COL2A1: variants seen among roughly 807,000 people sequenced by gnomAD.
COL2A1 encodes the protein collagen type II alpha 1 chain, also known as collagen alpha-1(II) chain.
In COL2A1, 28 loss-of-function variants were observed where a neutral mutation model predicts 204.5. The ratio of observed to expected loss-of-function variants is 0.14; its 90% CI spans 0.10 to 0.19. The LOEUF (loss-of-function observed/expected upper bound fraction) is 0.19. Ranked by LOEUF, COL2A1 falls within the 10% of genes least tolerant of loss-of-function variation. The pLI is 1.00. For synonymous variants in COL2A1, 708 were observed against 718.7 expected (o/e 0.99, Z 0.24); for missense variants, 1,388 against 2,027.5 (o/e 0.68, Z 6.06).
Position 47,986,364 on chromosome 12 carries a change from A to C in COL2A1, c.1499T>G (p.Val500Gly). Residue 500 changes from valine to glycine, a missense_variant, in exon 23 of 54, where the codon GTT becomes GGT. This residue lies in a region of COL2A1 where 884 missense variants were observed against 1,415.8 expected (regional missense o/e 0.62). Transcript: ENST00000380518. ...TTCTCCAGGGGGACCGATGGGCCCA[A>C]CGCCACCAGGCTCTCCACGGGCACC... is the stretch of plus-strand genomic sequence containing the variant. The part of the protein sequence containing the change: ...KRGARGEPGG[V>G]GPIGPPGERG... 1 of 1,569,156 alleles carries C rather than the reference A, an allele frequency of 6.4e-7. No homozygotes were observed. Among genetic ancestry groups the C allele is most frequent in the Non-Finnish European group, 8.6e-7 (1 of 1,156,386 alleles).
chr12:47,994,578 C>G (rs1939861039), intron 11 of COL2A1, 101 bp from the exon 12 acceptor site: 1 of 1,244,890 alleles, frequency 8.0e-7, no homozygotes, highest in Admixed American at 1.9e-5. Flanking sequence ...CATGCCTTTG[C>G]CTACCGGCTC....
rs755168138 is a variant in COL2A1 at position 47,983,145 on chromosome 12, A to G, written c.2050-8T>C. ...AGCTTCACCGGGAACACCCTGGAGAACAAAGAAAGATGTGTGAGAGTGAAG... is the reference window on the plus strand; with the variant it reads ...AGCTTCACCGGGAACACCCTGGAGAGCAAAGAAAGATGTGTGAGAGTGAAG... On this transcript the variant is annotated splice_polypyrimidine_tract_variant and splice_region_variant and intron_variant, in intron 31 of 53. Transcript: ENST00000380518. 86 of 1,613,200 alleles carry G rather than the reference A, an allele frequency of 5.3e-5. 1 individual carries two copies. In the South Asian group the frequency reaches 9.1e-4, roughly 17 times the overall value.
Position 47,974,389 on chromosome 12 carries a change from G to A in COL2A1, c.4075-58C>T, listed in dbSNP as rs1471578715. 4 of 1,599,188 alleles carry A rather than the reference G, an allele frequency of 2.5e-6. No individual in the cohort carries two copies. The East Asian group carries it at 8.9e-5, about 36-fold the overall frequency. ...GGGAGCTGGCATTCAATGGGACCAG[G>A]GGCTGTAGGGGCTGCCAAGAGTTCA... On this transcript the variant is annotated intron_variant, in intron 52 of 53. Coordinates refer to ENST00000380518, the MANE Select transcript of COL2A1 (RefSeq NM_001844.5).
rs549266353 is a variant in COL2A1, at chr12:47,985,163, G to A, written c.1735-70C>T. 47 of 1,272,568 alleles carry A rather than the reference G, an allele frequency of 3.7e-5. No individual in the cohort carries two copies. In the African/African-American group the frequency reaches 6.0e-4, roughly 16 times the overall value. 78.8% of individuals were successfully genotyped at this position (1,272,568 alleles called of 1,614,324 possible). On this transcript the variant is annotated intron_variant, in intron 26 of 53. Transcript: ENST00000380518. ...CATCCATCCACCCAACATCCACTAA[G>A]GGCCTACATGGCAGGCCCAGGACTA...
At chr12:47,995,615 G>T (rs1005909307) in intron 10 of COL2A1, 95 bp downstream of exon 10, 3 of 1,265,590 alleles carry the variant, frequency 2.4e-6, no homozygotes, top group African/African-American at 2.9e-5. Flanking sequence ...GTGGGAAAGA[G>T]CTGGGCAGAG....
chr12:47,989,626 T>C, intron 17 of COL2A1, 135 bp downstream of exon 17: 1 of 821,092 alleles, frequency 1.2e-6, no homozygotes, highest in Non-Finnish European at 2.1e-6. Flanking sequence ...AAACTTCTTC[T>C]CTTTCCTCCC....
chr12:47,974,955 G>T, intron 51 of COL2A1, 93 bp from the exon 52 acceptor site: 1 of 1,316,080 alleles, frequency 7.6e-7, no homozygotes, highest in Non-Finnish European at 1.1e-6. Flanking sequence ...AGACAGAGAG[G>T]CCTACAGGGA....
At chr12:47,973,616 C>T (rs1830297851) in intron 53 of COL2A1, 63 bp from the exon 54 acceptor site, 3 of 1,595,972 alleles carry the variant, frequency 1.9e-6, no homozygotes, top group East Asian at 4.5e-5. Context: ...TTCCAGCTGC[C>T]CAGAAGCCCA....
chr12:47,985,691 G>T lies in COL2A1; in HGVS notation c.1680+37C>A, dbSNP rs41317927. On this transcript the variant is annotated intron_variant, in intron 25 of 53. Coordinates refer to ENST00000380518, the MANE Select transcript of COL2A1 (RefSeq NM_001844.5). ...GGAGCCAGCCAGGAAGGGCCTGAGG[G>T]TCTGAAGCCAAGGGCAACAGCAGCT... 54 of 1,610,864 alleles carry T rather than the reference G, an allele frequency of 3.4e-5. No individual in the cohort carries two copies. In the East Asian group the frequency reaches 1.1e-3, roughly 34 times the overall value.
intron 51 of COL2A1, 126 bp from the exon 52 acceptor site, chr12:47,974,988 G>A (rs932227532): frequency 4.2e-5 from 43 of 1,018,658 alleles, no homozygotes; most frequent in Non-Finnish European, 5.9e-5. Context: ...TTCACATGTG[G>A]CCTGAAAGGA....
intron 3 of COL2A1, 81 bp from the exon 4 acceptor site, chr12:47,998,282 G>T: frequency 1.3e-6 from 2 of 1,584,826 alleles, no homozygotes; most frequent in South Asian, 1.1e-5. Context: ...CAGCCCCTGT[G>T]TTGAGGTACC....
At chr12:47,998,376 CA>C (rs745936878) in intron 3 of COL2A1, 38 bp downstream of exon 3, 14 of 1,570,330 alleles carry the variant, frequency 8.9e-6, no homozygotes, top group African/African-American at 5.5e-5. Context: ...AATATAAAGC[CA>C]AAAAAATATG....
At chr12:47,983,234 G>A (rs1224301830) in intron 31 of COL2A1, 97 bp from the exon 32 acceptor site, 2 of 1,510,476 alleles carry the variant, frequency 1.3e-6, no homozygotes, top group African/African-American at 2.8e-5. Context: ...CCTCCCATGG[G>A]GGATTGTGTC....
chr12:47,989,150 G>T, intron 18 of COL2A1, 78 bp downstream of exon 18: 1 of 1,219,524 alleles, frequency 8.2e-7, no homozygotes, highest in South Asian at 1.3e-5. Context: ...GTTGTTGAGG[G>T]AGCAATGAGC....
intron 36 of COL2A1, 66 bp from the exon 37 acceptor site, chr12:47,981,462 A>G (rs1269552447): frequency 2.8e-6 from 4 of 1,448,336 alleles, no homozygotes; most frequent in Non-Finnish European, 3.8e-6. Context: ...GAGAGGGCAA[A>G]GTGCATTTGG....
At chr12:47,981,529 G>C (rs546264950) in intron 36 of COL2A1, 133 bp from the exon 37 acceptor site, 2 of 926,510 alleles carry the variant, frequency 2.2e-6, no homozygotes, top group African/African-American at 1.6e-5. Flanking sequence ...CTGTGTTACT[G>C]TGCAGCCCAT....
At position 47,973,401 on chromosome 12, in the gene COL2A1, A is replaced by C. The variant is rs1216635574; in HGVS notation, c.*6T>G. 7 of 1,614,176 alleles carry C rather than the reference A, an allele frequency of 4.3e-6. No homozygotes were observed. ...AACGGATTGTGTTGTTTCTGGGTTC[A>C]GGTTTTTACAAGAAGCAGACCGGCC... On this transcript the variant is annotated 3_prime_UTR_variant, in exon 54 of 54. Transcript: ENST00000380518.
At chr12:47,999,678 T>G in intron 2 of COL2A1, 2 of 341,440 alleles carry the variant, frequency 5.9e-6, no homozygotes, top group Admixed American at 4.4e-5. Context: ...GTCCTTCATG[T>G]GTCTTGGAAG....
In COL2A1 at chr12:47,979,662, G is replaced by A. The variant is rs377521690; in HGVS notation, c.2680-98C>T. 638 of 909,382 alleles carry A rather than the reference G, an allele frequency of 7.0e-4. 4 individuals are homozygous for A. The highest frequency in any genetic ancestry group is 2.7e-3 in the Admixed American group (144 of 53,342). The allele number at this position is 909,382 out of a possible 1,614,324, so 56.3% of individuals were successfully genotyped here. A position where few individuals can be genotyped will look rare whatever the true frequency, so the allele number is the denominator to read the frequency against. On this transcript the variant is annotated intron_variant, in intron 40 of 53. Transcript: ENST00000380518. The stretch of plus-strand genomic sequence containing the variant: ...GGGGGTGGTCTCAGAGCCTGGTATG[G>A]AAAGGGCGAGGGACTGCAAAGCAGC...
Sources: allele counts gnomAD v4.1 joint callset, GRCh38; gene constraint gnomAD v4.1.1; regional missense constraint gnomAD v4.1.1; transcripts MANE v1.5; gene names NCBI Gene and HGNC (gene_info 2026-07-23, HGNC 2026-07-21).